LOX: variants seen among roughly 807,000 people sequenced by gnomAD.
LOX encodes the protein lysyl oxidase, also known as protein-lysine 6-oxidase.
Under a neutral mutation model 50.5 loss-of-function variants are expected in LOX, and 12 were observed. The ratio of observed to expected loss-of-function variants is 0.24; its 90% CI spans 0.15 to 0.38. The LOEUF is 0.38. Ranked by LOEUF, LOX falls within the 10% of genes least tolerant of loss-of-function variation. LOX has a pLI of 1.00. For synonymous variants in LOX, 254 were observed against 230.6 expected, an observed-to-expected ratio of 1.10 and a Z score of -0.92; for missense variants, 504 against 563.8, an observed-to-expected ratio of 0.89 and a Z score of 1.07.
Position 122,071,819 on chromosome 5 carries a change from C to A in LOX, c.1036-1230G>T, listed in dbSNP as rs576427361. The stretch of plus-strand genomic sequence containing the variant: ...GTAAAATCACCTTAGCATGCTCTAC[C>A]AATGCTGGTTTAGCTGTAGCTTGAT... On this transcript the variant is annotated intron_variant, in intron 4 of 6. Transcript: ENST00000231004. Among the ~76,000 whole-genome samples the A allele has an allele frequency of 2.0e-5, 3 of 152,216 alleles. No homozygotes were observed. In the South Asian group the frequency reaches 6.2e-4, roughly 32 times the overall value.
rs761847558 is a variant in LOX, at chr5:122,077,833, G to T, written c.153C>A (p.Asn51Lys). ...GGCTCAGCAAGCTGAACACCTGCCC[G>T]TTGTTCTCCCATTGGATCTGCTGGC... ...AWRQQIQWEN[N>K]GQVFSLLSLG... Residue 51 changes from asparagine to lysine, a missense_variant, in exon 1 of 7, where the codon AAC becomes AAA. Transcript: ENST00000231004. This position sits in a 1 kb window ranked among gnomAD's most constrained non-coding sequence, Gnocchi z 4.9. The T allele has an allele frequency of 1.3e-5, 20 of 1,552,420 alleles. No individual in the cohort carries two copies. Among genetic ancestry groups the T allele is most frequent in the Admixed American group, 5.8e-5 (3 of 51,636 alleles).
rs371346245 is a variant in LOX at position 122,075,235 on chromosome 5, G to A, written c.878+169C>T. The A allele has an allele frequency of 9.8e-4, 546 of 556,648 alleles. 13 individuals are homozygous for A. In the South Asian group the frequency reaches 0.017, roughly 18 times the overall value. 34.5% of individuals were successfully genotyped at this position (556,648 alleles called of 1,614,324 possible). A position where few individuals can be genotyped will look rare whatever the true frequency, so the allele number is the denominator to read the frequency against. On this transcript the variant is annotated intron_variant, in intron 3 of 6. Transcript: ENST00000231004. ...AGATTTTCCATTTCAAAAGATAACA[G>A]GATCTTGTAGTAGATGGGTTATGTG...
intron 4 of LOX, among the ~76,000 whole-genome samples, chr5:122,071,995 T>C (rs1754465406): frequency 6.6e-6 from 1 of 152,208 alleles, no homozygotes; most frequent in African/African-American, 2.4e-5. Context: ...CTTAACAGTA[T>C]GTTGAGTAGT....
chr5:122,067,225 T>G (rs774484967), intron 6 of LOX, among the ~76,000 whole-genome samples: 1 of 152,176 alleles, frequency 6.6e-6, no homozygotes, highest in South Asian at 2.1e-4. Context: ...AATGTGACCA[T>G]AGATCTTCAT....
At chr5:122,071,231 A>C (rs1754443221) in intron 4 of LOX, among the ~76,000 whole-genome samples, 2 of 151,474 alleles carry the variant, frequency 1.3e-5, no homozygotes, top group African/African-American at 4.9e-5. Context: ...ATAAAAATTC[A>C]ATTTTCACAA....
Position 122,073,986 on chromosome 5 carries a change from GTTCTGGA to G in LOX, c.1035+20_1035+26del, listed in dbSNP as rs1235401658. On this transcript the variant is annotated intron_variant, in intron 4 of 6. Transcript: ENST00000231004. Reference sequence around the variant, plus strand: ...GACCCGTTTCTCTCTGAGGCTTGAGGTTCTGGATTTCAGGGTGCCAACATACCTGTGT... The same window carrying G: ...GACCCGTTTCTCTCTGAGGCTTGAGGTTTCAGGGTGCCAACATACCTGTGT... 2 of 1,599,488 alleles carry G rather than the reference GTTCTGGA, an allele frequency of 1.3e-6. No individual in the cohort carries two copies. Among genetic ancestry groups the G allele is most frequent in the Non-Finnish European group, 1.7e-6 (2 of 1,168,646 alleles).
intron 4 of LOX, among the ~76,000 whole-genome samples, chr5:122,072,077 A>G (rs1354164879): frequency 2.0e-5 from 3 of 152,210 alleles, no homozygotes; most frequent in African/African-American, 7.2e-5. Flanking sequence ...TACATACTCA[A>G]TAAGTGCTAG....
In LOX at chr5:122,077,625, C is replaced by G. The variant is rs955835267; in HGVS notation, c.361G>C (p.Ala121Pro). 6.2e-7 allele frequency: 1 copy of G among 1,611,492 alleles called. No individual in the cohort carries two copies. The highest frequency in any genetic ancestry group is 1.1e-5 in the South Asian group (1 of 91,044). The change falls in exon 1 of 7, where the codon GCC becomes CCC. Residue 121 changes from alanine to proline, a missense_variant. This residue lies in a region of LOX where 398 missense variants were observed against 365.8 expected (regional missense o/e 1.09). Coordinates refer to ENST00000231004, the MANE Select transcript of LOX (RefSeq NM_002317.7). This position sits in a 1 kb window ranked among gnomAD's most constrained non-coding sequence, Gnocchi z 4.9. ...TAGCCAGCTTGGAACCAGTGACGGGCGGTGGGCCTGGGGCGGCCAGCGGTG... is the reference window on the plus strand; with the variant it reads ...TAGCCAGCTTGGAACCAGTGACGGGGGGTGGGCCTGGGGCGGCCAGCGGTG... ...GVTAGRPRPT[A>P]RHWFQAGYST...
chr5:122,068,476 C>G lies in LOX; in HGVS notation c.1247+1577G>C, dbSNP rs554122815. On this transcript the variant is annotated intron_variant, in intron 6 of 6. Transcript: ENST00000231004. Reference sequence around the variant, plus strand: ...CCTCATGAAACTTCTCATATTGTATCTCTATTACAGTTATATGTGTAATTC... The same window carrying G: ...CCTCATGAAACTTCTCATATTGTATGTCTATTACAGTTATATGTGTAATTC... 2.6e-5 allele frequency among the ~76,000 whole-genome samples: 4 copies of G among 152,232 alleles called. 1 individual carries two copies. The East Asian group carries it at 7.7e-4, about 29-fold the overall frequency.
Position 122,077,170 on chromosome 5 carries a change from A to G in LOX, c.632-169T>C. On this transcript the variant is annotated intron_variant, in intron 1 of 6. Transcript: ENST00000231004. The surrounding 1 kb of genome is among the most constrained non-coding windows in gnomAD (Gnocchi z 4.9). ...ACGCCCGGGACTGCAAAGCAATGTG[A>G]AAAGGAAGCAGGAGGGGCCAGACGC... The G allele has an allele frequency of 6.8e-7, 1 of 1,463,752 alleles. No individual in the cohort carries two copies. The highest frequency in any genetic ancestry group is 9.0e-7 in the Non-Finnish European group (1 of 1,113,438). The allele number at this position is 1,463,752 out of a possible 1,614,324, so 90.7% of individuals were successfully genotyped here.
rs1415412120 is a variant in LOX, at chr5:122,064,039, A to T, written c.*2704T>A. ...ATCTTTAACCCAGACTGTGGTCTGA[A>T]TCATCATGAGATCGCTAATATGGCA... On this transcript the variant is annotated 3_prime_UTR_variant, in exon 7 of 7. Transcript: ENST00000231004. 2.6e-5 allele frequency: 4 copies of T among 151,950 alleles called. No homozygotes were observed. Among genetic ancestry groups the T allele is most frequent in the Non-Finnish European group, 4.4e-5 (3 of 67,874 alleles). 9.4% of individuals were successfully genotyped at this position (151,950 alleles called of 1,614,324 possible).
intron 4 of LOX, among the ~76,000 whole-genome samples, chr5:122,071,214 T>C (rs905554454): frequency 6.6e-6 from 1 of 151,966 alleles, no homozygotes; most frequent in African/African-American, 2.4e-5. Context: ...TGTGTGTGTG[T>C]GTGTGTATAA....
intron 4 of LOX, among the ~76,000 whole-genome samples, chr5:122,071,337 G>C (rs1269272792): frequency 2.0e-5 from 3 of 152,032 alleles, no homozygotes; most frequent in African/African-American, 7.2e-5. Flanking sequence ...CTAGTAAGTG[G>C]CTAAGCTGGT....
chr5:122,068,533 C>G (rs967310028), intron 6 of LOX, among the ~76,000 whole-genome samples: 3 of 152,124 alleles, frequency 2.0e-5, no homozygotes, highest in African/African-American at 7.2e-5. Context: ...TGCCTTTACT[C>G]AAATTATTTG....
intron 4 of LOX, among the ~76,000 whole-genome samples, chr5:122,072,546 C>A (rs551261468): frequency 2.0e-5 from 3 of 151,960 alleles, no homozygotes; most frequent in Non-Finnish European, 4.4e-5. Context: ...GAAGTTATAC[C>A]TAGTTTTATG....
Position 122,074,139 on chromosome 5 carries a change from G to A in LOX, c.909C>T (p.His303=), listed in dbSNP as rs1422128048. 6.2e-7 allele frequency: 1 copy of A among 1,614,138 alleles called. No individual in the cohort carries two copies. Among genetic ancestry groups the A allele is most frequent in the Non-Finnish European group, 8.5e-7 (1 of 1,179,978 alleles). Residue 303 remains histidine (H), a synonymous_variant, in exon 4 of 7, where the codon CAC becomes CAT. Coordinates refer to ENST00000231004, the MANE Select transcript of LOX (RefSeq NM_002317.7). ...GGGTGTTGGCATCAAGCAGGTCATA[G>A]TGGCTAAACTCATCCATACTGTGGT... The part of the protein sequence containing the change: ...QHYHSMDEFS[H]YDLLDANTQR...
chr5:122,070,246 T>G, intron 5 of LOX, 78 bp from the exon 6 acceptor site: 1 of 848,312 alleles, frequency 1.2e-6, no homozygotes, highest in South Asian at 1.4e-5. Context: ...AGGACTTAGC[T>G]AAATCAAGCA....
chr5:122,077,573 C>T lies in LOX; in HGVS notation c.413G>A (p.Gly138Asp). Residue 138 changes from glycine (G) to aspartate (D), a missense_variant, in exon 1 of 7, where the codon GGC becomes GAC. Around this residue, in one of 2 missense-constraint regions of LOX, gnomAD observed 398 missense variants for 365.8 expected, o/e 1.09. Transcript: ENST00000231004. This position sits in a 1 kb window ranked among gnomAD's most constrained non-coding sequence, Gnocchi z 4.9. ...TGTCTGGTTCTCCGCGCGCGAGGCG[C>T]CAGCTTCGCGGGCTCTAGATGTCGA... ...GYSTSRAREA[G>D]ASRAENQTAP... The T allele has an allele frequency of 1.2e-6, 2 of 1,612,900 alleles. No individual in the cohort carries two copies.
At chr5:122,075,646 C>A in intron 2 of LOX, 105 bp from the exon 3 acceptor site, 1 of 701,280 alleles carries the variant, frequency 1.4e-6, no homozygotes, top group Non-Finnish European at 2.2e-6. Context: ...CCTCCTTTCC[C>A]AACTAGACTA....
Sources: gnomAD v4.1 joint callset for allele counts (sites outside exome capture counted in the v4.1 genomes callset) on GRCh38, gnomAD v4.1.1 for gene constraint, gnomAD v4.1.1 regional missense constraint, Gnocchi (gnomAD v3.1) non-coding constraint, MANE v1.5 for transcripts, NCBI Gene and HGNC (gene_info 2026-07-23, HGNC 2026-07-21) for gene names.